Variants in KLC1 observed in about 807,000 individuals in gnomAD.
The protein encoded by KLC1 is kinesin 2 60/70kDa.
In KLC1, 30 loss-of-function variants were observed where a neutral mutation model predicts 84.2. The observed-to-expected ratio is 0.36, with a 90% CI of 0.27 to 0.48. The LOEUF (loss-of-function observed/expected upper bound fraction) is 0.48. Ranked by LOEUF, KLC1 falls within the 20% of genes least tolerant of loss-of-function variation. The pLI, the probability that KLC1 is intolerant of heterozygous loss-of-function variation, is 0.99. For missense variants in KLC1, 499 were observed against 805.4 expected (o/e 0.62, Z 4.60); for synonymous variants, 289 against 293.3 (o/e 0.99, Z 0.15).
At chr14:103,670,335 T>G (rs751832197) in intron 7 of KLC1, 52 bp downstream of exon 7, 3 of 1,301,362 alleles carry the variant, frequency 2.3e-6, no homozygotes, top group Non-Finnish European at 2.1e-6. Flanking sequence ...TTTGTGTGTG[T>G]GTGGTTTTTT....
chr14:103,640,666 A>C (rs1229514914), intron 1 of KLC1, among the ~76,000 whole-genome samples: 4 of 151,704 alleles, frequency 2.6e-5, no homozygotes, highest in African/African-American at 9.7e-5. Flanking sequence ...GGCCCTGTGA[A>C]TTCTTAATAT....
chr14:103,649,745 GAGTGC>G lies in KLC1; in HGVS notation c.-1-4814_-1-4810del, dbSNP rs2078262952. Among the ~76,000 whole-genome samples the G allele has an allele frequency of 4.6e-5, 7 of 151,564 alleles. No homozygotes were observed. The South Asian group carries it at 1.5e-3, about 32-fold the overall frequency. On this transcript the variant is annotated intron_variant, in intron 1 of 16. Transcript: ENST00000334553. The stretch of plus-strand genomic sequence containing the variant: ...GAGTCTCGCTCTGTCGCCCAGGCTG[GAGTGC>G]AGTGGCGCCATCTCGGCTCACTGCA...
intron 15 of KLC1, chr14:103,697,141 C>T (rs879114927): frequency 3.0e-6 from 3 of 984,520 alleles, no homozygotes; most frequent in Admixed American, 6.1e-5. Context: ...AAATGTCTTA[C>T]TTGCCATTGT....
At chr14:103,657,454 GCTA>G in intron 2 of KLC1, 89 bp from the exon 3 acceptor site, 2 of 910,562 alleles carry the variant, frequency 2.2e-6, no homozygotes, top group Non-Finnish European at 3.5e-6. Context: ...GCGAGTGTAA[GCTA>G]CAGCCCCAGC....
chr14:103,640,422 G>A (rs1027937820), intron 1 of KLC1, among the ~76,000 whole-genome samples: 4 of 150,988 alleles, frequency 2.6e-5, no homozygotes, highest in Admixed American at 6.6e-5. Flanking sequence ...GTGCAGTGGC[G>A]CGATCTCTGC....
intron 6 of KLC1, among the ~76,000 whole-genome samples, chr14:103,669,855 A>G (rs2080228165): frequency 6.6e-6 from 1 of 152,028 alleles, no homozygotes; most frequent in Non-Finnish European, 1.5e-5. Flanking sequence ...CCTTCTAGAA[A>G]TTTTTTTCTG....
At chr14:103,644,305 G>T (rs1479954480) in intron 1 of KLC1, among the ~76,000 whole-genome samples, 1 of 150,574 alleles carries the variant, frequency 6.6e-6, no homozygotes, top group African/African-American at 2.4e-5. Flanking sequence ...TGTCGCCCAG[G>T]CTGGAGTGCA....
intron 3 of KLC1, among the ~76,000 whole-genome samples, chr14:103,660,015 T>C (rs967057245): frequency 2.0e-5 from 3 of 152,136 alleles, no homozygotes; most frequent in Admixed American, 1.3e-4. Flanking sequence ...GCTCATCTTA[T>C]CCTGATCACC....
chr14:103,678,072 C>T (rs963935649), intron 12 of KLC1, among the ~76,000 whole-genome samples: 1 of 151,636 alleles, frequency 6.6e-6, no homozygotes, highest in Non-Finnish European at 1.5e-5. Flanking sequence ...GTCAGGAGTT[C>T]GAGACCAGCC....
intron 7 of KLC1, among the ~76,000 whole-genome samples, chr14:103,671,804 A>G (rs1304612929): frequency 6.6e-6 from 1 of 152,226 alleles, no homozygotes; most frequent in East Asian, 1.9e-4. Flanking sequence ...TATACAGGTA[A>G]TATTTTATCA....
At chr14:103,680,047 C>G (rs985361085) in intron 13 of KLC1, among the ~76,000 whole-genome samples, 1 of 152,222 alleles carries the variant, frequency 6.6e-6, no homozygotes, top group Admixed American at 6.5e-5. Context: ...TGATGTCCTG[C>G]CTCAGTCCTG....
intron 1 of KLC1, 81 bp from the exon 2 acceptor site, chr14:103,654,483 A>G: frequency 8.4e-7 from 1 of 1,192,976 alleles, no homozygotes; most frequent in Non-Finnish European, 1.2e-6. Context: ...ATGTTAATTA[A>G]AAAATTTTCA....
intron 1 of KLC1, among the ~76,000 whole-genome samples, chr14:103,649,602 T>C (rs1176811931): frequency 6.6e-6 from 1 of 150,944 alleles, no homozygotes; most frequent in Non-Finnish European, 1.5e-5. Flanking sequence ...TTAGGTTTAC[T>C]TGAATCCTGA....
chr14:103,682,771 T>C (rs917784575), intron 13 of KLC1: 2 of 150,240 alleles, frequency 1.3e-5, no homozygotes, highest in Admixed American at 1.3e-4. Flanking sequence ...TATATGTATA[T>C]GTATGTATAT....
chr14:103,634,283 G>T (rs1034160661), intron 1 of KLC1, among the ~76,000 whole-genome samples: 1 of 152,084 alleles, frequency 6.6e-6, no homozygotes, highest in Admixed American at 6.6e-5. Context: ...GGTGCTTGGC[G>T]TGTAATAGGA....
rs1023899937 is a variant in KLC1, at chr14:103,700,411, C to T, written c.1849-244C>T. ...GCATGGCTGGCCTGGCCTCTGACCG[C>T]ACAGCTTGGTGAGCCATGGTGATGG... On this transcript the variant is annotated intron_variant, in intron 15 of 16. Transcript: ENST00000334553. The T allele has an allele frequency of 2.9e-5, 13 of 454,152 alleles. No homozygotes were observed. In the Admixed American group the frequency reaches 3.4e-4, roughly 12 times the overall value. The allele number at this position is 454,152 out of a possible 1,614,324, so 28.1% of individuals were successfully genotyped here. A position where few individuals can be genotyped will look rare whatever the true frequency, so the allele number is the denominator to read the frequency against.
chr14:103,677,971 T>TAA (rs34560300), intron 12 of KLC1, among the ~76,000 whole-genome samples: 7 of 136,286 alleles, frequency 5.1e-5, no homozygotes, highest in South Asian at 2.4e-4. Flanking sequence ...CGTCTCAATT[T>TAA]AAAAAAAAAA....
chr14:103,663,050 T>A, intron 5 of KLC1, 123 bp downstream of exon 5: 1 of 591,182 alleles, frequency 1.7e-6, no homozygotes, highest in Non-Finnish European at 2.8e-6. Flanking sequence ...CACTTCTCTT[T>A]AAACAGGGGT....
Position 103,654,983 on chromosome 14 carries a change from T to A in KLC1, c.261+158T>A, listed in dbSNP as rs142781117. ...GGCTCAGGCCTGTAATCCAAGCACT[T>A]TGGGAGGCTGAGGCAGGTGGATCAC... On this transcript the variant is annotated intron_variant, in intron 2 of 16. Transcript: ENST00000334553. 4,354 of 794,082 alleles carry A rather than the reference T, an allele frequency of 5.5e-3. 23 individuals carry two copies. The highest frequency in any genetic ancestry group is 8.2e-3 in the Middle Eastern group (26 of 3,168). 49.2% of individuals were successfully genotyped at this position (794,082 alleles called of 1,614,324 possible).
Sources: gnomAD v4.1 joint callset for allele counts (sites outside exome capture counted in the v4.1 genomes callset) on GRCh38, gnomAD v4.1.1 for gene constraint, MANE v1.5 for transcripts, NCBI Gene and HGNC (gene_info 2026-07-23, HGNC 2026-07-21) for gene names.